SERPINA4: variants seen among roughly 807,000 people sequenced by gnomAD.
The protein encoded by SERPINA4 is kallistatin.
SERPINA4 carries 24 observed loss-of-function variants against 25.4 expected under a neutral mutation model. The observed-to-expected ratio is 0.95, with a 90% CI of 0.69 to 1.33. The LOEUF is 1.33. SERPINA4 is among the 40% of genes most tolerant of loss of function. The probability of loss-of-function intolerance (pLI) is 0.00; values close to 1 mark genes in which losing one functional copy is unlikely to be tolerated. For missense variants in SERPINA4, 553 were observed against 535.8 expected, an observed-to-expected ratio of 1.03 and a Z score of -0.32; for synonymous variants, 242 against 223.6, an observed-to-expected ratio of 1.08 and a Z score of -0.73.
rs5513 is a variant in SERPINA4, at chr14:94,568,190, T to A, written c.985T>A (p.Leu329Ile). ...PKFSISGSYVLDQILPRLGFT... is the reference protein window; with the variant it reads ...PKFSISGSYVIDQILPRLGFT... ...GTTCTCCATTTCTGGCTCCTATGTA[T>A]TAGATCAGATTTTGCCCAGGCTGGG... Residue 329 changes from leucine (L) to isoleucine (I), a missense_variant, in exon 4 of 5, where the codon TTA becomes ATA. Physicochemically the swap from Leu to Ile is conservative, Grantham distance 5. Coordinates refer to ENST00000557004, the MANE Select transcript of SERPINA4 (RefSeq NM_006215.4). The A allele has an allele frequency of 6.8e-6, 11 of 1,614,258 alleles. No individual in the cohort carries two copies. Among genetic ancestry groups the A allele is most frequent in the Admixed American group, 1.7e-5 (1 of 60,032 alleles).
Position 94,569,394 on chromosome 14 carries a change from GA to G in SERPINA4, c.1084del (p.Ser362ValfsTer45). 3.1e-6 allele frequency: 5 copies of G among 1,613,336 alleles called. No individual in the cohort carries two copies. The highest frequency in any genetic ancestry group is 4.2e-6 in the Non-Finnish European group (5 of 1,179,964). On this transcript the variant is annotated frameshift_variant and splice_region_variant, in exon 5 of 5. Coordinates refer to ENST00000557004, the MANE Select transcript of SERPINA4 (RefSeq NM_006215.4). LOFTEE classifies it low-confidence loss of function (END_TRUNC). ...TKQQKLEASK[S>X]FHKATLDVDE... is the part of the protein sequence containing the mutation. ...GATAATGCTTGTGATTTTCCTCCCA[GA>G]GTTTCCACAAGGCCACCTTGGACGT...
rs986015916 is a variant in SERPINA4, at chr14:94,561,643, C to T, written c.-18+149C>T. 5 of 1,283,178 alleles carry T rather than the reference C, an allele frequency of 3.9e-6. No homozygotes were observed. The African/African-American group carries it at 7.6e-5, about 20-fold the overall frequency. 79.5% of individuals were successfully genotyped at this position (1,283,178 alleles called of 1,614,324 possible). A position where few individuals can be genotyped will look rare whatever the true frequency, so the allele number is the denominator to read the frequency against. On this transcript the variant is annotated intron_variant, in intron 1 of 4. Transcript: ENST00000557004. ...CCAGGCAAGCTGGGACACTTTGTCACTCTTGCTAGAGGTGAGAAATACTCA... is the reference window on the plus strand; with the variant it reads ...CCAGGCAAGCTGGGACACTTTGTCATTCTTGCTAGAGGTGAGAAATACTCA...
intron 1 of SERPINA4, among the ~76,000 whole-genome samples, chr14:94,562,397 G>T (rs946315752): frequency 6.6e-6 from 1 of 152,174 alleles, no homozygotes. Context: ...TGGGCAGCAT[G>T]GTGAGACCCC....
At chr14:94,565,567 G>T (rs1367021539) in intron 2 of SERPINA4, among the ~76,000 whole-genome samples, 1 of 152,078 alleles carries the variant, frequency 6.6e-6, no homozygotes, top group Non-Finnish European at 1.5e-5. Context: ...TTGTTTTGAG[G>T]CTGGGCATAG....
rs1902041063 is a variant in SERPINA4, at chr14:94,561,895, G to C, written c.-18+401G>C. ...ATGTTTCTAAATGATCCCTCCAACT[G>C]CTGAGTGGAGAACAGAGAGCAGAAA... is the stretch of plus-strand genomic sequence containing the variant. On this transcript the variant is annotated intron_variant, in intron 1 of 4. Coordinates refer to ENST00000557004, the MANE Select transcript of SERPINA4 (RefSeq NM_006215.4). 3 of 1,287,140 alleles carry C rather than the reference G, an allele frequency of 2.3e-6. No homozygotes were observed. The African/African-American group carries it at 4.5e-5, about 20-fold the overall frequency. 79.7% of individuals were successfully genotyped at this position (1,287,140 alleles called of 1,614,324 possible).
intron 2 of SERPINA4, among the ~76,000 whole-genome samples, chr14:94,565,283 G>T (rs1254268479): frequency 6.6e-6 from 1 of 152,154 alleles, no homozygotes; most frequent in African/African-American, 2.4e-5. Context: ...TGTTTAGTGG[G>T]GTTAGACTTG....
chr14:94,565,851 CA>C (rs1595065070), intron 2 of SERPINA4, among the ~76,000 whole-genome samples: 6 of 151,288 alleles, frequency 4.0e-5, no homozygotes, highest in Non-Finnish European at 8.8e-5. Flanking sequence ...ACTCTATCTC[CA>C]AAAAAAAGTT....
At position 94,564,076 on chromosome 14, in the gene SERPINA4, C is replaced by T. The variant is rs1902126376; in HGVS notation, c.594C>T (p.Val198=). 2 of 1,605,632 alleles carry T rather than the reference C, an allele frequency of 1.2e-6. No homozygotes were observed. The highest frequency in any genetic ancestry group is 1.7e-6 in the Non-Finnish European group (2 of 1,179,982). ...CTCGAGGGAAGATTGTGGATTTGGTCAGTGAGCTCAAGAAGGACGTCTTGA... is the reference window on the plus strand; with the variant it reads ...CTCGAGGGAAGATTGTGGATTTGGTTAGTGAGCTCAAGAAGGACGTCTTGA... ...KETRGKIVDL[V]SELKKDVLMV... The change falls in exon 2 of 5, where the codon GTC becomes GTT. Residue 198 remains valine (V), a synonymous_variant. Transcript: ENST00000557004.
chr14:94,564,766 C>T (rs1365594421), intron 2 of SERPINA4, among the ~76,000 whole-genome samples: 1 of 152,144 alleles, frequency 6.6e-6, no homozygotes, highest in African/African-American at 2.4e-5. Context: ...GTTTGTTGAC[C>T]CCTGACCATT....
Position 94,567,164 on chromosome 14 carries a change from A to G in SERPINA4, c.844A>G (p.Asn282Asp). 1 of 1,614,186 alleles carries G rather than the reference A, an allele frequency of 6.2e-7. No individual in the cohort carries two copies. Among genetic ancestry groups the G allele is most frequent in the Non-Finnish European group, 8.5e-7 (1 of 1,180,038 alleles). Reference protein sequence around the residue: ...GDATVFFILPNQGKMREIEEV... With the variant: ...GDATVFFILPDQGKMREIEEV... ...CGCAACCGTGTTTTTCATTCTCCCT[A>G]ACCAAGGCAAAATGAGGGAGATTGA... is the stretch of plus-strand genomic sequence containing the variant. The change falls in exon 3 of 5, where the codon AAC (asparagine) becomes GAC (aspartate). Residue 282 changes from asparagine to aspartate, a missense_variant. Transcript: ENST00000557004.
intron 2 of SERPINA4, among the ~76,000 whole-genome samples, chr14:94,565,782 C>A (rs898974599): frequency 2.0e-5 from 3 of 152,090 alleles, no homozygotes; most frequent in South Asian, 2.1e-4. Context: ...CGCTTGAACC[C>A]AGGAAGTGGA....
intron 3 of SERPINA4, among the ~76,000 whole-genome samples, 167 bp downstream of exon 3, chr14:94,567,410 A>T (rs1902256172): frequency 6.6e-6 from 1 of 152,234 alleles, no homozygotes; most frequent in Non-Finnish European, 1.5e-5. Flanking sequence ...CTCTCCTGTT[A>T]TATTTAAAAT....
intron 1 of SERPINA4, among the ~76,000 whole-genome samples, 184 bp from the exon 2 acceptor site, chr14:94,563,282 C>T (rs1257399441): frequency 6.6e-6 from 1 of 152,168 alleles, no homozygotes; most frequent in Non-Finnish European, 1.5e-5. Context: ...ACATTGCCAT[C>T]CAATAGTGTT....
chr14:94,567,262 G>A lies in SERPINA4; in HGVS notation c.923+19G>A. 6.2e-7 allele frequency: 1 copy of A among 1,603,628 alleles called. No individual in the cohort carries two copies. The highest frequency in any genetic ancestry group is 8.5e-7 in the Non-Finnish European group (1 of 1,175,966). On this transcript the variant is annotated intron_variant, in intron 3 of 4. Coordinates refer to ENST00000557004, the MANE Select transcript of SERPINA4 (RefSeq NM_006215.4). ...GGAAGAGGTAATCAGTGTGCTATGG[G>A]GGCTGAATCTACAGTACTATCCATC...
chr14:94,567,260 G>C lies in SERPINA4; in HGVS notation c.923+17G>C. On this transcript the variant is annotated intron_variant, in intron 3 of 4. Coordinates refer to ENST00000557004, the MANE Select transcript of SERPINA4 (RefSeq NM_006215.4). ...GCGGAAGAGGTAATCAGTGTGCTATGGGGGCTGAATCTACAGTACTATCCA... is the reference window on the plus strand; with the variant it reads ...GCGGAAGAGGTAATCAGTGTGCTATCGGGGCTGAATCTACAGTACTATCCA... The C allele has an allele frequency of 6.2e-7, 1 of 1,604,754 alleles. No individual in the cohort carries two copies. Among genetic ancestry groups the C allele is most frequent in the Admixed American group, 1.7e-5 (1 of 59,704 alleles).
chr14:94,563,995 C>A lies in SERPINA4; in HGVS notation c.513C>A (p.Asn171Lys), dbSNP rs1166902313. ...ATGAGGCTAAACTCTTCCACACCAA[C>A]TTCTACGACACTGTGGGCACAATCC... ...AVYEAKLFHT[N>K]FYDTVGTIQL... Residue 171 changes from asparagine (N) to lysine (K), a missense_variant, in exon 2 of 5, where the codon AAC becomes AAA. By Grantham distance (94) the Asn-to-Lys change is moderately conservative. Transcript: ENST00000557004. 1.9e-6 allele frequency: 3 copies of A among 1,614,106 alleles called. No individual in the cohort carries two copies. The highest frequency in any genetic ancestry group is 2.5e-6 in the Non-Finnish European group (3 of 1,180,048).
In SERPINA4 at chr14:94,561,495, G is replaced by A. The variant is rs139887612; in HGVS notation, c.-18+1G>A. The A allele has an allele frequency of 1.7e-4, 75 of 437,088 alleles. No individual in the cohort carries two copies. In the East Asian group the frequency reaches 3.3e-3, roughly 19 times the overall value. The allele number at this position is 437,088 out of a possible 1,614,324, so 27.1% of individuals were successfully genotyped here. A position where few individuals can be genotyped will look rare whatever the true frequency, so the allele number is the denominator to read the frequency against. On this transcript the variant is annotated splice_donor_variant, in intron 1 of 4. Transcript: ENST00000557004. LOFTEE classifies it low-confidence loss of function (5UTR_SPLICE). The stretch of plus-strand genomic sequence containing the variant: ...GGTCCACTCCAGGACAGACTGTGCC[G>A]TGAGTAACCCCCTGAGACAATGGAG...
In SERPINA4 at chr14:94,568,280, G is replaced by A. The variant is rs770272743; in HGVS notation, c.1075G>A (p.Ala359Thr). 1.9e-6 allele frequency: 3 copies of A among 1,614,174 alleles called. No homozygotes were observed. The highest frequency in any genetic ancestry group is 2.2e-5 in the East Asian group (1 of 44,872). Residue 359 changes from alanine to threonine, a missense_variant, in exon 4 of 5, where the codon GCA (alanine) becomes ACA (threonine). Ala to Thr is a moderately conservative substitution (Grantham distance 58). Transcript: ENST00000557004. ...SGITKQQKLE[A>T]SKSFHKATLD... ...CATCACCAAACAGCAAAAACTGGAGGCATCCAAAGTAAGTCGTCAACAGTC... is the reference window on the plus strand; with the variant it reads ...CATCACCAAACAGCAAAAACTGGAGACATCCAAAGTAAGTCGTCAACAGTC...
intron 2 of SERPINA4, among the ~76,000 whole-genome samples, chr14:94,564,442 A>G (rs1902137308): frequency 6.6e-6 from 1 of 152,242 alleles, no homozygotes; most frequent in African/African-American, 2.4e-5. Flanking sequence ...AACAGTGCAA[A>G]CAGGTCAGCT....
Sources: allele counts gnomAD v4.1 joint callset (sites outside exome capture counted in the v4.1 genomes callset), GRCh38; gene constraint gnomAD v4.1.1; transcripts MANE v1.5; gene names NCBI Gene and HGNC (gene_info 2026-07-23, HGNC 2026-07-21).